The following ZNF407 variants were observed in gnomAD, a reference collection of about 807,000 sequenced individuals.
The protein encoded by ZNF407 is zinc finger protein 407.
ZNF407 carries 17 observed loss-of-function variants against 131.2 expected under a neutral mutation model. The observed-to-expected ratio is 0.13, with a 90% confidence interval of 0.09 to 0.19. The LOEUF (loss-of-function observed/expected upper bound fraction) is 0.19, where lower values mean the gene tolerates loss of function less well. ZNF407 is among the 10% of genes least tolerant of loss of function. The pLI is 1.00. For synonymous variants in ZNF407, 1,156 were observed against 1,062.0 expected (o/e 1.09, Z -1.72); for missense variants, 2,681 against 2,830.6 (o/e 0.95, Z 1.20).
chr18:74,995,323 C>A (rs984800937), intron 8 of ZNF407, among the ~76,000 whole-genome samples: 1 of 150,768 alleles, frequency 6.6e-6, no homozygotes, highest in Admixed American at 6.7e-5. Context: ...TGGAGAGTGG[C>A]CAGAGGGTCA....
chr18:74,764,579 G>T (rs566496974), intron 3 of ZNF407, among the ~76,000 whole-genome samples: 1 of 152,174 alleles, frequency 6.6e-6, no homozygotes, highest in Non-Finnish European at 1.5e-5. Context: ...AACTATTTAT[G>T]TAGCTTTTAG....
At position 74,918,549 on chromosome 18, in the gene ZNF407, C is replaced by T. The variant is rs1019381252; in HGVS notation, c.5250-1965C>T. Among the ~76,000 whole-genome samples the T allele has an allele frequency of 2.6e-5, 4 of 152,172 alleles. No individual in the cohort carries two copies. In the South Asian group the frequency reaches 6.2e-4, roughly 24 times the overall value. The stretch of plus-strand genomic sequence containing the variant: ...TATATATAAAGCAAGTTTGACAATT[C>T]GGTAGTGACTCATGAGAGAAAGAAG... On this transcript the variant is annotated intron_variant, in intron 7 of 8. Coordinates refer to ENST00000299687, the MANE Select transcript of ZNF407 (RefSeq NM_017757.3).
intron 1 of ZNF407, among the ~76,000 whole-genome samples, chr18:74,626,726 T>TG (rs1185112354): frequency 6.6e-6 from 1 of 152,218 alleles, no homozygotes; most frequent in Non-Finnish European, 1.5e-5. Context: ...TACTCACACA[T>TG]GCAGTAAAAG....
intron 4 of ZNF407, among the ~76,000 whole-genome samples, chr18:74,876,638 G>A (rs1444388313): frequency 1.3e-5 from 2 of 151,794 alleles, no homozygotes; most frequent in Admixed American, 6.6e-5. Flanking sequence ...GTATAGTTAC[G>A]ATCTGTTTTT....
At chr18:74,777,521 C>T (rs1969497886) in intron 3 of ZNF407, among the ~76,000 whole-genome samples, 1 of 152,102 alleles carries the variant, frequency 6.6e-6, no homozygotes, top group African/African-American at 2.4e-5. Flanking sequence ...CCAGACTGAT[C>T]TCCTTCAAAA....
intron 7 of ZNF407, among the ~76,000 whole-genome samples, chr18:74,897,320 T>C (rs1401776222): frequency 6.6e-6 from 1 of 152,238 alleles, no homozygotes; most frequent in Non-Finnish European, 1.5e-5. Flanking sequence ...GTTGATCAGT[T>C]ACAAATAAGT....
In ZNF407 at chr18:74,824,775, A is replaced by G. The variant is rs150485603; in HGVS notation, c.4877+43273A>G. ...ACAGACGGATTCACAGCCGAATTCT[A>G]CCAGAGGTACCAAGAAGAGCTGGTA... On this transcript the variant is annotated intron_variant, in intron 4 of 8. Coordinates refer to ENST00000299687, the MANE Select transcript of ZNF407 (RefSeq NM_017757.3). 1.2e-3 allele frequency among the ~76,000 whole-genome samples: 179 copies of G among 152,340 alleles called. 3 individuals are homozygous for G. Among genetic ancestry groups the G allele is most frequent in the East Asian group, 7.9e-3 (41 of 5,186 alleles).
chr18:75,055,177 C>G (rs1052893681), intron 8 of ZNF407, among the ~76,000 whole-genome samples: 2 of 152,240 alleles, frequency 1.3e-5, no homozygotes, highest in African/African-American at 4.8e-5. Flanking sequence ...GCACTTTCTG[C>G]TGGCACATCA....
chr18:74,800,413 C>CA (rs1284465017), intron 4 of ZNF407, among the ~76,000 whole-genome samples: 1 of 151,924 alleles, frequency 6.6e-6, no homozygotes. Context: ...TTCCAATAAA[C>CA]AAAAGTTTAG....
At chr18:74,888,686 AT>A (rs1387566078) in intron 6 of ZNF407, among the ~76,000 whole-genome samples, 1 of 152,182 alleles carries the variant, frequency 6.6e-6, no homozygotes, top group Non-Finnish European at 1.5e-5. Flanking sequence ...TTAAAATTAA[AT>A]ATCCTTGTTT....
chr18:74,689,268 A>G (rs1202430078), intron 3 of ZNF407, among the ~76,000 whole-genome samples: 3 of 152,240 alleles, frequency 2.0e-5, no homozygotes, highest in Non-Finnish European at 4.4e-5. Flanking sequence ...TTGTGCTTTA[A>G]TAAAGTTCAT....
intron 8 of ZNF407, among the ~76,000 whole-genome samples, chr18:75,008,507 C>A (rs947244479): frequency 6.6e-6 from 1 of 152,158 alleles, no homozygotes; most frequent in African/African-American, 2.4e-5. Flanking sequence ...AAGTCATCCC[C>A]GGATAGTGGC....
At chr18:74,825,010 G>C (rs183931779) in intron 4 of ZNF407, among the ~76,000 whole-genome samples, 1 of 152,040 alleles carries the variant, frequency 6.6e-6, no homozygotes, top group African/African-American at 2.4e-5. Flanking sequence ...AAGCTTATCC[G>C]CTACGATCAA....
chr18:74,763,012 A>T (rs1236037502), intron 3 of ZNF407, among the ~76,000 whole-genome samples: 1 of 152,062 alleles, frequency 6.6e-6, no homozygotes, highest in Non-Finnish European at 1.5e-5. Flanking sequence ...AGGTTTTACC[A>T]GAGAATAGTA....
At chr18:74,878,846 C>A in intron 5 of ZNF407, among the ~76,000 whole-genome samples, 2 of 149,196 alleles carry the variant, frequency 1.3e-5, no homozygotes, top group Non-Finnish European at 1.5e-5. Context: ...AAAAAAAACA[C>A]TCTGTTTGGC....
intron 8 of ZNF407, among the ~76,000 whole-genome samples, chr18:75,044,269 C>A (rs754546736): frequency 4.0e-5 from 6 of 151,674 alleles, no homozygotes; most frequent in Non-Finnish European, 7.4e-5. Flanking sequence ...AAAAAAAACA[C>A]TATATTCATG....
intron 7 of ZNF407, among the ~76,000 whole-genome samples, chr18:74,891,265 C>T (rs1038158992): frequency 1.3e-5 from 2 of 152,324 alleles, no homozygotes; most frequent in South Asian, 2.1e-4. Context: ...GAAGCCTGAT[C>T]TCAAGGGTGA....
intron 7 of ZNF407, among the ~76,000 whole-genome samples, chr18:74,911,573 A>G (rs1203026369): frequency 6.6e-6 from 1 of 152,078 alleles, no homozygotes; most frequent in Non-Finnish European, 1.5e-5. Flanking sequence ...TTTTTTGTAT[A>G]TTACATAAGG....
intron 3 of ZNF407, among the ~76,000 whole-genome samples, chr18:74,755,728 CCTTT>C (rs765042437): frequency 0.042 from 2,650 of 63,412 alleles, 84 homozygotes; most frequent in African/African-American, 0.11. Context: ...TTCTTTCTTT[CCTTT>C]CTTTCTTTCT....
Sources: gnomAD v4.1 joint callset for allele counts (sites outside exome capture counted in the v4.1 genomes callset) on GRCh38, gnomAD v4.1.1 for gene constraint, MANE v1.5 for transcripts, NCBI Gene and HGNC (gene_info 2026-07-23, HGNC 2026-07-21) for gene names.